Variants in TTC29 observed in about 807,000 individuals in gnomAD.
TTC29 encodes the protein tetratricopeptide repeat domain 29.
TTC29 carries 49 observed loss-of-function variants against 58.1 expected under a neutral mutation model. The observed-to-expected ratio is 0.84, with a 90% confidence interval of 0.67 to 1.07. The LOEUF (loss-of-function observed/expected upper bound fraction) is 1.07, where lower values mean the gene tolerates loss of function less well. Among genes scored for constraint, TTC29 ranks in the 50% least tolerant of loss-of-function variants. TTC29 has a pLI of 0.00. For missense variants in TTC29, 582 were observed against 555.6 expected (o/e 1.05, Z -0.48); for synonymous variants, 209 against 196.8 (o/e 1.06, Z -0.52).
intron 8 of TTC29, among the ~76,000 whole-genome samples, chr4:146,848,163 A>G (rs1729297084): frequency 6.6e-6 from 1 of 152,246 alleles, no homozygotes; most frequent in African/African-American, 2.4e-5. Flanking sequence ...ACGTGAGTGG[A>G]AGGCAAAGTT....
At chr4:146,938,498 T>A (rs6817427) in intron 3 of TTC29, among the ~76,000 whole-genome samples, 3,344 of 152,226 alleles carry the variant, frequency 0.022, 109 homozygotes, top group African/African-American at 0.076. Flanking sequence ...ATAAATTAAA[T>A]CCTTTAAAAA....
chr4:146,943,169 C>CTTTTTTTTTTTT, intron 2 of TTC29, among the ~76,000 whole-genome samples: 1 of 59,474 alleles, frequency 1.7e-5, no homozygotes, highest in African/African-American at 4.6e-5. Flanking sequence ...ATCAACTGTG[C>CTTTTTTTTTTTT]TTTTTTTTTT....
At chr4:146,888,690 G>C (rs771994550) in intron 6 of TTC29, among the ~76,000 whole-genome samples, 1 of 152,096 alleles carries the variant, frequency 6.6e-6, no homozygotes, top group African/African-American at 2.4e-5. Flanking sequence ...TTAATATTAG[G>C]CTCCTTCTCT....
At chr4:146,883,392 C>A (rs1444463448) in intron 6 of TTC29, among the ~76,000 whole-genome samples, 1 of 130,642 alleles carries the variant, frequency 7.7e-6, no homozygotes, top group African/African-American at 2.6e-5. Flanking sequence ...TATATAGTTT[C>A]TTTTTGTTTT....
intron 4 of TTC29, among the ~76,000 whole-genome samples, chr4:146,917,529 A>G (rs1451787648): frequency 5.5e-5 from 6 of 108,374 alleles, no homozygotes; most frequent in Non-Finnish European, 1.3e-4. Flanking sequence ...TATATATTTT[A>G]TATATTGCTG....
At chr4:146,840,941 A>G (rs1218642078) in intron 8 of TTC29, among the ~76,000 whole-genome samples, 2 of 152,186 alleles carry the variant, frequency 1.3e-5, no homozygotes, top group African/African-American at 2.4e-5. Flanking sequence ...GTGTGCTTTA[A>G]AAAGCATTCA....
At chr4:146,850,583 A>C (rs1729453447) in intron 8 of TTC29, among the ~76,000 whole-genome samples, 1 of 152,204 alleles carries the variant, frequency 6.6e-6, no homozygotes, top group South Asian at 2.1e-4. Flanking sequence ...TTGGTGACAA[A>C]AACCACAACC....
Position 146,728,824 on chromosome 4 carries a change from T to TACGTATATATAC in TTC29, c.1331-21274_1331-21273insGTATATATACGT, listed in dbSNP as rs1744056130. 1.7e-5 allele frequency among the ~76,000 whole-genome samples: 2 copies of TACGTATATATAC among 114,898 alleles called. 1 individual carries two copies. The highest frequency in any genetic ancestry group is 1.9e-4 in the Admixed American group (2 of 10,644). 75.4% of individuals were successfully genotyped at this position (114,898 alleles called of 152,430 possible). A position where few individuals can be genotyped will look rare whatever the true frequency, so the allele number is the denominator to read the frequency against. ...ATATACACATATATATGTGTATATA[T>TACGTATATATAC]ACATATATATACACATATATATGTA... On this transcript the variant is annotated intron_variant, in intron 11 of 12. Coordinates refer to ENST00000325106, the MANE Select transcript of TTC29 (RefSeq NM_031956.4).
intron 11 of TTC29, among the ~76,000 whole-genome samples, chr4:146,734,536 G>A (rs1482560234): frequency 1.3e-5 from 2 of 152,128 alleles, no homozygotes; most frequent in African/African-American, 2.4e-5. Flanking sequence ...GAAGTTCCAG[G>A]ACTTGCGACA....
chr4:146,733,204 A>G (rs1744470143), intron 11 of TTC29, among the ~76,000 whole-genome samples: 1 of 152,158 alleles, frequency 6.6e-6, no homozygotes, highest in Non-Finnish European at 1.5e-5. Context: ...AATAGTGACT[A>G]TAGATATCTT....
intron 7 of TTC29, among the ~76,000 whole-genome samples, chr4:146,870,688 G>C (rs1281293456): frequency 6.6e-6 from 1 of 151,894 alleles, no homozygotes; most frequent in Non-Finnish European, 1.5e-5. Context: ...AAATGAAAAG[G>C]ATTATAAGAG....
intron 4 of TTC29, among the ~76,000 whole-genome samples, chr4:146,937,128 G>A (rs942892397): frequency 2.6e-4 from 39 of 151,916 alleles, no homozygotes; most frequent in Non-Finnish European, 2.9e-5. Context: ...AGACAATTTG[G>A]AATTATTTAA....
At chr4:146,930,094 T>C (rs1457228843) in intron 4 of TTC29, among the ~76,000 whole-genome samples, 1 of 106,228 alleles carries the variant, frequency 9.4e-6, no homozygotes, top group East Asian at 2.4e-4. Flanking sequence ...CATATATATA[T>C]ATATATATAT....
intron 8 of TTC29, among the ~76,000 whole-genome samples, chr4:146,846,473 G>C (rs73852722): frequency 0.056 from 8,469 of 152,186 alleles, 830 homozygotes; most frequent in African/African-American, 0.19. Flanking sequence ...TAGAGTAATA[G>C]GAGACAAATA....
intron 11 of TTC29, among the ~76,000 whole-genome samples, chr4:146,783,083 G>T (rs572219518): frequency 6.6e-6 from 1 of 151,570 alleles, no homozygotes; most frequent in South Asian, 2.1e-4. Context: ...TAACTTATTT[G>T]TTTATTTATT....
intron 10 of TTC29, among the ~76,000 whole-genome samples, chr4:146,813,960 G>T (rs2150131725): frequency 6.6e-6 from 1 of 152,194 alleles, no homozygotes; most frequent in East Asian, 1.9e-4. Flanking sequence ...CTCCAGTTTG[G>T]GCAACAAGAG....
chr4:146,844,453 T>C (rs1342607425), intron 8 of TTC29, among the ~76,000 whole-genome samples: 2 of 152,218 alleles, frequency 1.3e-5, no homozygotes, highest in Non-Finnish European at 2.9e-5. Context: ...AAATGTGGAA[T>C]ATTTATCCTG....
At chr4:146,873,632 T>G (rs1453147913) in intron 7 of TTC29, among the ~76,000 whole-genome samples, 1 of 152,192 alleles carries the variant, frequency 6.6e-6, no homozygotes, top group African/African-American at 2.4e-5. Flanking sequence ...GCTGCTGAAA[T>G]TGATATAAGA....
At chr4:146,863,277 C>G (rs1246496063) in intron 8 of TTC29, among the ~76,000 whole-genome samples, 2 of 152,022 alleles carry the variant, frequency 1.3e-5, no homozygotes, top group African/African-American at 4.8e-5. Flanking sequence ...TTAGAAATAC[C>G]TGGTATGAAA....
Sources: allele counts gnomAD v4.1 joint callset (sites outside exome capture counted in the v4.1 genomes callset), GRCh38; gene constraint gnomAD v4.1.1; transcripts MANE v1.5; gene names NCBI Gene and HGNC (gene_info 2026-07-23, HGNC 2026-07-21).